The following SLC5A8 variants were observed in gnomAD, a reference collection of about 807,000 sequenced individuals.
SLC5A8 encodes solute carrier family 5 member 8, also known as sodium-coupled monocarboxylate transporter 1.
SLC5A8 carries 55 observed loss-of-function variants against 71.9 expected under a neutral mutation model. The observed-to-expected ratio is 0.77, with a 90% CI of 0.62 to 0.96. The LOEUF is 0.96. SLC5A8 is among the 40% of genes least tolerant of loss of function. The pLI, the probability that SLC5A8 is intolerant of heterozygous loss-of-function variation, is 0.00. For missense variants in SLC5A8, 701 were observed against 745.3 expected (o/e 0.94, Z 0.69); for synonymous variants, 307 against 276.1 (o/e 1.11, Z -1.11).
At chr12:101,183,734 A>G (rs1285154044) in intron 8 of SLC5A8, among the ~76,000 whole-genome samples, 1 of 152,168 alleles carries the variant, frequency 6.6e-6, no homozygotes, top group Non-Finnish European at 1.5e-5. Flanking sequence ...TTTGGGCAGT[A>G]TATATTATTC....
chr12:101,200,166 C>G (rs118095711), intron 3 of SLC5A8, among the ~76,000 whole-genome samples: 1 of 149,672 alleles, frequency 6.7e-6, no homozygotes, highest in East Asian at 2.1e-4. Flanking sequence ...TATATAAAAT[C>G]TAACAACAGG....
At chr12:101,160,813 A>T (rs577714022) in intron 13 of SLC5A8, among the ~76,000 whole-genome samples, 1 of 152,346 alleles carries the variant, frequency 6.6e-6, no homozygotes, top group East Asian at 1.9e-4. Flanking sequence ...AATAAGAGAG[A>T]AAAAAACGAG....
intron 7 of SLC5A8, 52 bp downstream of exon 7, chr12:101,187,334 T>G: frequency 6.4e-7 from 1 of 1,555,842 alleles, no homozygotes. Context: ...TCTCAACTAA[T>G]AAGCTTTTTG....
chr12:101,202,924 A>T (rs1869521401), intron 2 of SLC5A8, among the ~76,000 whole-genome samples: 2 of 152,250 alleles, frequency 1.3e-5, no homozygotes, highest in Non-Finnish European at 2.9e-5. Context: ...TTATGAAAAT[A>T]AAAATCTATT....
Position 101,168,624 on chromosome 12 carries a change from G to A in SLC5A8, c.1234-442C>T, listed in dbSNP as rs147735846. Among the ~76,000 whole-genome samples, 727 of 152,260 alleles carry A rather than the reference G, an allele frequency of 4.8e-3. 7 individuals are homozygous for A. Among genetic ancestry groups the A allele is most frequent in the African/African-American group, 0.016 (675 of 41,544 alleles). On this transcript the variant is annotated intron_variant, in intron 10 of 14. Transcript: ENST00000536262. ...AGGATGAAACCCATTTGCCATTCCT[G>A]ATTTGATTCCCTAAGGATGAAACTA... is the stretch of plus-strand genomic sequence containing the variant.
intron 9 of SLC5A8, 23 bp downstream of exon 9, chr12:101,182,780 G>A: frequency 6.6e-7 from 1 of 1,505,868 alleles, no homozygotes; most frequent in Non-Finnish European, 9.1e-7. Context: ...AGCTAAAATG[G>A]AATTATGAAA....
chr12:101,155,911 A>G lies in SLC5A8; in HGVS notation c.*1368T>C, dbSNP rs1197891542. On this transcript the variant is annotated 3_prime_UTR_variant, in exon 15 of 15. Transcript: ENST00000536262. The stretch of plus-strand genomic sequence containing the variant: ...AATAAGCATAAAATTATTTAATCAT[A>G]AAAACATTTGTATGTATCTAAATAT... The G allele has an allele frequency of 6.6e-6, 1 of 151,840 alleles. No homozygotes were observed. The highest frequency in any genetic ancestry group is 1.5e-5 in the Non-Finnish European group (1 of 68,002). 9.4% of individuals were successfully genotyped at this position (151,840 alleles called of 1,614,324 possible).
intron 8 of SLC5A8, among the ~76,000 whole-genome samples, chr12:101,183,227 A>G (rs1163007747): frequency 6.6e-6 from 1 of 151,708 alleles, no homozygotes; most frequent in Non-Finnish European, 1.5e-5. Flanking sequence ...TTGTATTTTT[A>G]GTAGAGACAG....
At position 101,209,648 on chromosome 12, in the gene SLC5A8, T is replaced by A; in HGVS notation, c.201A>T (p.Ser67=). ...VALSLTASFM[S]AVTVLGTPSE... ...AGGGGGTGCCCAGGACAGTGACGGC[T>A]GACATGAAGCTAGCGGTGAGGGACA... The change falls in exon 1 of 15, where the codon TCA becomes TCT. Residue 67 remains serine (S), a synonymous_variant. Transcript: ENST00000536262. The A allele has an allele frequency of 6.2e-7, 1 of 1,613,962 alleles. No homozygotes were observed. Among genetic ancestry groups the A allele is most frequent in the Non-Finnish European group, 8.5e-7 (1 of 1,180,028 alleles).
rs1344773761 is a variant in SLC5A8, at chr12:101,183,964, G to A, written c.1052+170C>T. On this transcript the variant is annotated intron_variant, in intron 8 of 14. Coordinates refer to ENST00000536262, the MANE Select transcript of SLC5A8 (RefSeq NM_145913.5). The stretch of plus-strand genomic sequence containing the variant: ...AAAGTGGAGCCGATGACAACAGGAC[G>A]CTAGTCCACAGAGATAAGTCAGACC... Among the ~76,000 whole-genome samples the A allele has an allele frequency of 2.0e-5, 3 of 152,100 alleles. No individual in the cohort carries two copies. The East Asian group carries it at 5.8e-4, about 29-fold the overall frequency.
chr12:101,170,183 A>G (rs982349067), intron 10 of SLC5A8, among the ~76,000 whole-genome samples: 3 of 152,230 alleles, frequency 2.0e-5, no homozygotes, highest in Non-Finnish European at 4.4e-5. Flanking sequence ...TGTCCTCTCC[A>G]GGCCCACAGC....
chr12:101,195,086 T>G lies in SLC5A8; in HGVS notation c.537+9A>C, dbSNP rs1229626167. On this transcript the variant is annotated intron_variant, in intron 4 of 14. Coordinates refer to ENST00000536262, the MANE Select transcript of SLC5A8 (RefSeq NM_145913.5). ...GTAGAGTGAAAAGGGAAATATGTCCTGGACGTACCAGTGTGCAGTAGAATG... is the reference window on the plus strand; with the variant it reads ...GTAGAGTGAAAAGGGAAATATGTCCGGGACGTACCAGTGTGCAGTAGAATG... The G allele has an allele frequency of 1.2e-6, 2 of 1,613,892 alleles. No individual in the cohort carries two copies. Among genetic ancestry groups the G allele is most frequent in the South Asian group, 2.2e-5 (2 of 91,024 alleles).
intron 7 of SLC5A8, among the ~76,000 whole-genome samples, chr12:101,185,767 C>T (rs1018573833): frequency 2.0e-5 from 3 of 151,976 alleles, no homozygotes; most frequent in East Asian, 1.9e-4. Flanking sequence ...TTAATAGAGA[C>T]GGATTTTACC....
intron 7 of SLC5A8, among the ~76,000 whole-genome samples, chr12:101,184,777 G>C (rs564115801): frequency 1.3e-5 from 2 of 152,258 alleles, no homozygotes; most frequent in South Asian, 2.1e-4. Flanking sequence ...CATAATGATG[G>C]GTGGAGAATG....
chr12:101,158,358 T>TGTTAAAAAGGACACCA (rs2051687535), intron 13 of SLC5A8, 30 bp from the exon 14 acceptor site: 1 of 1,447,876 alleles, frequency 6.9e-7, no homozygotes, highest in Non-Finnish European at 9.6e-7. Context: ...TGACTTACGT[T>TGTTAAAAAGGACACCA]GTTAAAAAGG....
At chr12:101,165,857 G>A (rs2051765194) in intron 12 of SLC5A8, among the ~76,000 whole-genome samples, 1 of 152,140 alleles carries the variant, frequency 6.6e-6, no homozygotes, top group South Asian at 2.1e-4. Context: ...GTGCTTTAAA[G>A]CTGGACACTT....
intron 12 of SLC5A8, among the ~76,000 whole-genome samples, chr12:101,165,615 C>A (rs919830039): frequency 5.3e-5 from 8 of 152,338 alleles, no homozygotes; most frequent in Admixed American, 1.3e-4. Flanking sequence ...GGAAGTCCCA[C>A]TGGCTAGCTT....
At chr12:101,162,279 G>T (rs2051731083) in intron 12 of SLC5A8, among the ~76,000 whole-genome samples, 1 of 152,148 alleles carries the variant, frequency 6.6e-6, no homozygotes. Flanking sequence ...AATACTTGAA[G>T]GTCATGTTTA....
intron 13 of SLC5A8, among the ~76,000 whole-genome samples, chr12:101,159,365 G>A (rs2051704559): frequency 6.6e-6 from 1 of 152,178 alleles, no homozygotes; most frequent in African/African-American, 2.4e-5. Context: ...AACAATCTCT[G>A]TGCCCACAGT....
Sources: gnomAD v4.1 joint callset for allele counts (sites outside exome capture counted in the v4.1 genomes callset) on GRCh38, gnomAD v4.1.1 for gene constraint, MANE v1.5 for transcripts, NCBI Gene and HGNC (gene_info 2026-07-23, HGNC 2026-07-21) for gene names.